The following IL1RAPL2 variants were observed in gnomAD, a reference collection of about 807,000 sequenced individuals.
IL1RAPL2 encodes interleukin 1 receptor accessory protein like 2.
In IL1RAPL2, 3 loss-of-function variants were observed where a neutral mutation model predicts 44.1. That is an observed-to-expected ratio of 0.07 (90% CI 0.03 to 0.18). The LOEUF is 0.18. Ranked by LOEUF, IL1RAPL2 falls within the 10% of genes least tolerant of loss-of-function variation. The pLI, the probability that IL1RAPL2 is intolerant of heterozygous loss-of-function variation, is 1.00. For missense variants in IL1RAPL2, 391 were observed against 496.4 expected, an observed-to-expected ratio of 0.79 and a Z score of 2.02; for synonymous variants, 181 against 178.8, an observed-to-expected ratio of 1.01 and a Z score of -0.10.
intron 6 of IL1RAPL2, among the ~76,000 whole-genome samples, chrX:105,496,008 A>G (rs770259542): frequency 3.6e-5 from 4 of 111,990 alleles, no homozygotes; most frequent in Admixed American, 1.9e-4. Flanking sequence ...AGAAACATAT[A>G]CAATCTATTC....
intron 2 of IL1RAPL2, among the ~76,000 whole-genome samples, chrX:104,684,102 A>G (rs1930939575): frequency 8.9e-6 from 1 of 112,188 alleles, no homozygotes. Flanking sequence ...ATAGGCTGAC[A>G]GGAAGACATA....
chrX:105,215,626 C>A (rs1310397039), intron 3 of IL1RAPL2, among the ~76,000 whole-genome samples: 2 of 111,723 alleles, frequency 1.8e-5, no homozygotes, highest in Non-Finnish European at 3.8e-5. Context: ...CAGCATCATC[C>A]TGATACCAAA....
intron 2 of IL1RAPL2, among the ~76,000 whole-genome samples, chrX:105,175,855 A>G (rs2033467750): frequency 9.0e-6 from 1 of 111,054 alleles, no homozygotes; most frequent in Non-Finnish European, 1.9e-5. Flanking sequence ...ACTTACTGTA[A>G]TACTTGTAAT....
chrX:105,429,922 T>TTTA (rs1380627119), intron 5 of IL1RAPL2, among the ~76,000 whole-genome samples: 1 of 111,360 alleles, frequency 9.0e-6, no homozygotes, highest in Non-Finnish European at 1.9e-5. Context: ...TTGTATCTGG[T>TTTA]TTATAGTAGA....
At chrX:105,455,129 T>A (rs769369390) in intron 5 of IL1RAPL2, among the ~76,000 whole-genome samples, 1 of 111,949 alleles carries the variant, frequency 8.9e-6, no homozygotes, top group South Asian at 3.8e-4. Context: ...TGAAAAGGAA[T>A]TTAAAATAAT....
chrX:105,302,868 C>T (rs1569420919), intron 5 of IL1RAPL2, among the ~76,000 whole-genome samples: 1 of 112,100 alleles, frequency 8.9e-6, no homozygotes, highest in Non-Finnish European at 1.9e-5. Flanking sequence ...TTATTTTGTA[C>T]CCCAGAGCAC....
At chrX:105,437,724 G>T (rs2147753860) in intron 5 of IL1RAPL2, among the ~76,000 whole-genome samples, 1 of 111,174 alleles carries the variant, frequency 9.0e-6, no homozygotes, top group South Asian at 3.8e-4. Context: ...GGTCAATTCT[G>T]TTTAAAAGCA....
chrX:105,375,539 A>G (rs1460295088), intron 5 of IL1RAPL2, among the ~76,000 whole-genome samples: 1 of 111,631 alleles, frequency 9.0e-6, no homozygotes, highest in Non-Finnish European at 1.9e-5. Flanking sequence ...ATCAACAACA[A>G]CAAAAAAACC....
intron 5 of IL1RAPL2, among the ~76,000 whole-genome samples, chrX:105,347,556 CCATCATCATCAT>C (rs35941963): frequency 0.014 from 1,374 of 100,515 alleles, 23 homozygotes; most frequent in African/African-American, 0.049. Context: ...CTCTCTTCCT[CCATCATCATCAT>C]CATCATCATC....
At chrX:105,130,558 A>T (rs1462204306) in intron 2 of IL1RAPL2, among the ~76,000 whole-genome samples, 2 of 111,102 alleles carry the variant, frequency 1.8e-5, no homozygotes, top group East Asian at 5.6e-4. Flanking sequence ...TGGTCCACAG[A>T]TTACACTTGA....
intron 2 of IL1RAPL2, among the ~76,000 whole-genome samples, chrX:104,724,964 C>T (rs747175181): frequency 1.8e-5 from 2 of 111,134 alleles, no homozygotes; most frequent in Non-Finnish European, 3.8e-5. Flanking sequence ...TATACACGTG[C>T]CATGGTGGTT....
At chrX:105,683,132 AATCTTTGTTATCTAAGCAGAT>A (rs1383823606) in intron 6 of IL1RAPL2, among the ~76,000 whole-genome samples, 10 of 112,008 alleles carry the variant, frequency 8.9e-5, no homozygotes, top group African/African-American at 3.2e-4. Context: ...GTATGACACA[AATCTTTGTTATCTAAGCAGAT>A]TAACGGGAAA....
At chrX:105,388,629 T>A (rs2035498502) in intron 5 of IL1RAPL2, among the ~76,000 whole-genome samples, 1 of 110,712 alleles carries the variant, frequency 9.0e-6, no homozygotes. Context: ...AACGGTCTAG[T>A]TTATGCTTAA....
intron 2 of IL1RAPL2, among the ~76,000 whole-genome samples, chrX:104,878,487 C>T (rs941967472): frequency 6.2e-5 from 7 of 112,099 alleles, no homozygotes; most frequent in Non-Finnish European, 1.3e-4. Context: ...CTCAACCTCA[C>T]TTATGCATTT....
At chrX:105,420,922 G>A (rs1462499074) in intron 5 of IL1RAPL2, among the ~76,000 whole-genome samples, 7 of 111,746 alleles carry the variant, frequency 6.3e-5, no homozygotes, top group African/African-American at 9.8e-5. Context: ...TGAGAAACCT[G>A]TGCCAAGACA....
chrX:105,144,899 A>AG (rs773436102), intron 2 of IL1RAPL2, among the ~76,000 whole-genome samples: 1 of 111,014 alleles, frequency 9.0e-6, no homozygotes, highest in Non-Finnish European at 1.9e-5. Context: ...CCAAGGAGCT[A>AG]GTCAGGTACC....
intron 6 of IL1RAPL2, among the ~76,000 whole-genome samples, chrX:105,486,835 G>A (rs1216320234): frequency 2.7e-5 from 3 of 110,171 alleles, no homozygotes; most frequent in Admixed American, 9.7e-5. Flanking sequence ...GCTCATGCTT[G>A]TAATCCCAGC....
At chrX:105,478,643 G>A (rs887491116) in intron 5 of IL1RAPL2, among the ~76,000 whole-genome samples, 15 of 111,094 alleles carry the variant, frequency 1.4e-4, no homozygotes, top group African/African-American at 2.6e-4. Flanking sequence ...CCTAGACCTC[G>A]CCTGGTTTCT....
chrX:104,971,462 C>T (rs2030235112), intron 2 of IL1RAPL2, among the ~76,000 whole-genome samples: 1 of 111,799 alleles, frequency 8.9e-6, no homozygotes, highest in African/African-American at 3.3e-5. Flanking sequence ...CTGGTTATAT[C>T]TATGTAACCA....
Sources: gnomAD v4.1 joint callset for allele counts (sites outside exome capture counted in the v4.1 genomes callset) on GRCh38, gnomAD v4.1.1 for gene constraint, MANE v1.5 for transcripts, NCBI Gene and HGNC (gene_info 2026-07-23, HGNC 2026-07-21) for gene names.